The following TBCD variants were observed in gnomAD, a reference collection of about 807,000 sequenced individuals.
The protein encoded by TBCD is tubulin folding cofactor D.
TBCD carries 105 observed loss-of-function variants against 169.3 expected under a neutral mutation model. That is an observed-to-expected ratio of 0.62 (90% CI 0.53 to 0.73). The LOEUF (loss-of-function observed/expected upper bound fraction) is 0.73. TBCD is among the 30% of genes least tolerant of loss of function. The pLI, the probability that TBCD is intolerant of heterozygous loss-of-function variation, is 0.00. For missense variants in TBCD, 1,444 were observed against 1,600.1 expected (o/e 0.90, Z 1.66); for synonymous variants, 700 against 643.9 (o/e 1.09, Z -1.32).
At chr17:82,935,813 T>C (rs1446109561) in intron 34 of TBCD, among the ~76,000 whole-genome samples, 2 of 152,262 alleles carry the variant, frequency 1.3e-5, no homozygotes, top group Admixed American at 1.3e-4. Context: ...TTACTTTCTT[T>C]GTCTCTCATC....
At chr17:82,856,595 T>A (rs888648977) in intron 13 of TBCD, among the ~76,000 whole-genome samples, 3 of 152,238 alleles carry the variant, frequency 2.0e-5, no homozygotes, top group Non-Finnish European at 4.4e-5. Flanking sequence ...TCAGGGCCCT[T>A]ACACAGTTGA....
chr17:82,838,934 G>T, intron 13 of TBCD: 1 of 985,378 alleles, frequency 1.0e-6, no homozygotes, highest in Non-Finnish European at 1.2e-6. Context: ...AAAATTAGGG[G>T]CACAGATGTG....
rs2047141923 is a variant in TBCD, at chr17:82,752,348, A to G, written c.155A>G (p.Glu52Gly). Residue 52 changes from glutamate to glycine, a missense_variant, in exon 1 of 39, where the codon GAG becomes GGG. Physicochemically the swap from Glu to Gly is moderately conservative, Grantham distance 98. Transcript: ENST00000355528. ...CGGGAGGTGCACGGCGGCGGCGCGG[A>G]GCGCGAGGTGGCCCTGGAGCGGTTC... ...RLREVHGGGA[E>G]REVALERFRV... is the part of the protein sequence containing the mutation. 3 of 1,404,948 alleles carry G rather than the reference A, an allele frequency of 2.1e-6. No individual in the cohort carries two copies. The highest frequency in any genetic ancestry group is 1.5e-5 in the African/African-American group (1 of 65,614). The allele number at this position is 1,404,948 out of a possible 1,614,324, so 87.0% of individuals were successfully genotyped here.
At chr17:82,812,315 C>A (rs1485254088) in intron 12 of TBCD, among the ~76,000 whole-genome samples, 3 of 152,032 alleles carry the variant, frequency 2.0e-5, no homozygotes, top group Non-Finnish European at 4.4e-5. Flanking sequence ...CGCTGTGCCT[C>A]CCCCTCGCCC....
chr17:82,801,834 G>A (rs1598585671), intron 9 of TBCD, among the ~76,000 whole-genome samples: 1 of 148,042 alleles, frequency 6.8e-6, no homozygotes, highest in Non-Finnish European at 1.5e-5. Flanking sequence ...CGGCGTGTGC[G>A]TCGTGTGGTT....
intron 13 of TBCD, chr17:82,838,769 C>G: frequency 1.0e-6 from 1 of 985,412 alleles, no homozygotes; most frequent in Non-Finnish European, 1.2e-6. Context: ...AAGAATGGAT[C>G]CAGAAAAACA....
At chr17:82,768,385 G>A in intron 4 of TBCD, 35 bp from the exon 5 acceptor site, 1 of 1,612,416 alleles carries the variant, frequency 6.2e-7, no homozygotes. Context: ...TGATTTTCAA[G>A]CAAGACTCAT....
intron 15 of TBCD, among the ~76,000 whole-genome samples, chr17:82,887,128 A>ACT (rs879363962): frequency 0.24 from 25,306 of 104,702 alleles, 2,340 homozygotes; most frequent in Admixed American, 0.31. Context: ...TTTTACCTGT[A>ACT]CTCTGTGTGT....
At chr17:82,927,046 C>A in intron 28 of TBCD, 140 bp from the exon 29 acceptor site, 1 of 1,177,974 alleles carries the variant, frequency 8.5e-7, no homozygotes, top group East Asian at 2.5e-5. Context: ...GGAAGGAGCT[C>A]TGTGTTTCTG....
chr17:82,862,108 G>C (rs1054135736), intron 13 of TBCD, among the ~76,000 whole-genome samples: 3 of 152,050 alleles, frequency 2.0e-5, no homozygotes, highest in Admixed American at 6.5e-5. Flanking sequence ...ATTTTTAGTA[G>C]AGACGGGGTT....
chr17:82,858,015 C>A (rs990334637), intron 13 of TBCD, among the ~76,000 whole-genome samples: 1 of 151,978 alleles, frequency 6.6e-6, no homozygotes, highest in Non-Finnish European at 1.5e-5. Context: ...CAGGCTCAAG[C>A]GATCCTCCTG....
chr17:82,887,637 G>A (rs2058848163), intron 15 of TBCD, among the ~76,000 whole-genome samples: 1 of 152,186 alleles, frequency 6.6e-6, no homozygotes. Context: ...AATGCCAGGA[G>A]TAGTTTCTGG....
chr17:82,904,112 C>T (rs138812272), intron 19 of TBCD, among the ~76,000 whole-genome samples: 5,597 of 130,626 alleles, frequency 0.043, 422 homozygotes, highest in South Asian at 0.13. Flanking sequence ...TCCCTGGTCT[C>T]TGGTTGGCAT....
intron 34 of TBCD, 114 bp downstream of exon 34, chr17:82,932,849 G>A (rs894294191): frequency 2.0e-5 from 21 of 1,046,908 alleles, no homozygotes; most frequent in African/African-American, 1.9e-4. Flanking sequence ...CTTCCAGTGC[G>A]TTCTGGGTCA....
intron 6 of TBCD, among the ~76,000 whole-genome samples, chr17:82,773,237 G>A (rs115023787): frequency 0.01 from 1,525 of 152,254 alleles, 21 homozygotes; most frequent in African/African-American, 0.035. Flanking sequence ...ACCTTCACTC[G>A]GGTGTGTAGC....
intron 5 of TBCD, among the ~76,000 whole-genome samples, chr17:82,770,547 C>T (rs572742640): frequency 4.0e-4 from 60 of 150,206 alleles, no homozygotes; most frequent in African/African-American, 1.4e-3. Flanking sequence ...TGTGGTGAGC[C>T]GATATCACGC....
At chr17:82,887,131 C>CTGTGTGTGTG (rs771003321) in intron 15 of TBCD, among the ~76,000 whole-genome samples, 1,358 of 123,264 alleles carry the variant, frequency 0.011, 9 homozygotes, top group Admixed American at 0.024. Context: ...TACCTGTACT[C>CTGTGTGTGTG]TGTGTGTGTG....
chr17:82,810,091 G>A (rs903804756), intron 12 of TBCD, among the ~76,000 whole-genome samples: 5 of 152,194 alleles, frequency 3.3e-5, no homozygotes, highest in African/African-American at 4.8e-5. Context: ...GCTTTCTGTG[G>A]GAGGTTCGGG....
chr17:82,861,810 A>C (rs1242656181), intron 13 of TBCD, among the ~76,000 whole-genome samples: 2 of 152,188 alleles, frequency 1.3e-5, no homozygotes, highest in Non-Finnish European at 2.9e-5. Context: ...TTTCTAGTAA[A>C]TGGTTCTGTT....
Sources: gnomAD v4.1 joint callset for allele counts (sites outside exome capture counted in the v4.1 genomes callset) on GRCh38, gnomAD v4.1.1 for gene constraint, MANE v1.5 for transcripts, NCBI Gene and HGNC (gene_info 2026-07-23, HGNC 2026-07-21) for gene names.